Variants in CEP126 observed in about 807,000 individuals in gnomAD.
The protein encoded by CEP126 is centrosomal protein of 126 kDa.
In CEP126, 74 loss-of-function variants were observed where a neutral mutation model predicts 107.8. The ratio of observed to expected loss-of-function variants is 0.69; its 90% confidence interval spans 0.57 to 0.83. The LOEUF (loss-of-function observed/expected upper bound fraction) is 0.83. CEP126 is among the 40% of genes least tolerant of loss of function. The probability of loss-of-function intolerance (pLI) is 0.00; values close to 1 mark genes in which losing one functional copy is unlikely to be tolerated. For missense variants in CEP126, 1,237 were observed against 1,281.9 expected, an observed-to-expected ratio of 0.96 and a Z score of 0.53; for synonymous variants, 449 against 446.0, an observed-to-expected ratio of 1.01 and a Z score of -0.08.
At chr11:101,985,248 G>A (rs1941302847) in intron 8 of CEP126, among the ~76,000 whole-genome samples, 2 of 150,246 alleles carry the variant, frequency 1.3e-5, no homozygotes, top group African/African-American at 2.4e-5. Flanking sequence ...TTACCTTCAG[G>A]TATGTGTATA....
chr11:101,962,400 A>ATG lies in CEP126; in HGVS notation c.1369_1370dup (p.Pro458TyrfsTer7), dbSNP rs1565361429. 1 of 1,613,974 alleles carries ATG rather than the reference A, an allele frequency of 6.2e-7. No homozygotes were observed. The highest frequency in any genetic ancestry group is 1.1e-5 in the South Asian group (1 of 91,070). ...ATGGAACTACTTCAATTCCTACTTC[A>ATG]TGTGTACCAGTGGCAACGCCTTTAG... On this transcript the variant is annotated frameshift_variant, in exon 6 of 11. Coordinates refer to ENST00000263468, the MANE Select transcript of CEP126 (RefSeq NM_020802.4). LOFTEE classifies it high-confidence loss of function.
intron 6 of CEP126, among the ~76,000 whole-genome samples, chr11:101,972,380 C>T (rs537912230): frequency 1.2e-3 from 183 of 151,538 alleles, no homozygotes; most frequent in Non-Finnish European, 2.1e-3. Flanking sequence ...GAGCCGAGAT[C>T]GCGCCACTGC....
chr11:101,963,108 G>A lies in CEP126; in HGVS notation c.2073G>A (p.Glu691=). 1 of 1,614,040 alleles carries A rather than the reference G, an allele frequency of 6.2e-7. No homozygotes were observed. The highest frequency in any genetic ancestry group is 1.1e-5 in the South Asian group (1 of 91,076). The change falls in exon 6 of 11, where the codon GAG becomes GAA. Residue 691 remains glutamate (E), a synonymous_variant. Transcript: ENST00000263468. Reference sequence around the variant, plus strand: ...CTGCTGATACAAAGAAGTCCAGGGAGGATTCTATCTCTGAAAATGTTACGA... The same window carrying A: ...CTGCTGATACAAAGAAGTCCAGGGAAGATTCTATCTCTGAAAATGTTACGA... ...VNSADTKKSR[E]DSISENVTTL... is the part of the protein sequence containing the mutation.
intron 1 of CEP126, among the ~76,000 whole-genome samples, chr11:101,919,437 G>A (rs747756507): frequency 5.3e-5 from 8 of 151,902 alleles, no homozygotes; most frequent in Non-Finnish European, 1.0e-4. Flanking sequence ...ATTATTCTTG[G>A]TTTTGTTTTT....
Position 101,915,362 on chromosome 11 carries a change from C to T in CEP126, c.78C>T (p.Ala26=). The change falls in exon 1 of 11, where the codon GCC becomes GCT. Residue 26 remains alanine, a synonymous_variant. Coordinates refer to ENST00000263468, the MANE Select transcript of CEP126 (RefSeq NM_020802.4). Reference sequence around the variant, plus strand: ...AATCATCGGACAACCTCGACAGAGCCCCCCTCGGCCCTCGGGAGAGCGGCG... The same window carrying T: ...AATCATCGGACAACCTCGACAGAGCTCCCCTCGGCCCTCGGGAGAGCGGCG... The part of the protein sequence containing the change: ...GTESSDNLDR[A]PLGPRESGGH... The T allele has an allele frequency of 6.2e-6, 10 of 1,613,956 alleles. No individual in the cohort carries two copies. The highest frequency in any genetic ancestry group is 8.5e-6 in the Non-Finnish European group (10 of 1,179,952).
chr11:101,941,640 T>G (rs1940666152), intron 2 of CEP126, among the ~76,000 whole-genome samples: 1 of 152,294 alleles, frequency 6.6e-6, no homozygotes, highest in East Asian at 1.9e-4. Context: ...TTTTCACTTC[T>G]TTGGGATATA....
Position 101,963,792 on chromosome 11 carries a change from G to A in CEP126, c.2757G>A (p.Pro919=), listed in dbSNP as rs761348506. 2.5e-5 allele frequency: 40 copies of A among 1,613,956 alleles called. No homozygotes were observed. The highest frequency in any genetic ancestry group is 8.3e-5 in the Admixed American group (5 of 59,992). ...GTCCTGTTTGTGAAGAAAGTTATCCGTCTGTGACTCTAAGAACTGCTGAAG... is the reference window on the plus strand; with the variant it reads ...GTCCTGTTTGTGAAGAAAGTTATCCATCTGTGACTCTAAGAACTGCTGAAG... ...QRSPVCEESY[P]SVTLRTAEEE... The change falls in exon 6 of 11, where the codon CCG becomes CCA. Residue 919 remains proline, a synonymous_variant. Coordinates refer to ENST00000263468, the MANE Select transcript of CEP126 (RefSeq NM_020802.4).
At position 101,963,573 on chromosome 11, in the gene CEP126, A is replaced by G. The variant is rs563879747; in HGVS notation, c.2538A>G (p.Thr846=). The G allele has an allele frequency of 6.2e-7, 1 of 1,614,214 alleles. No individual in the cohort carries two copies. Among genetic ancestry groups the G allele is most frequent in the African/African-American group, 1.3e-5 (1 of 75,058 alleles). ...NSFNSKHVLP[T]EHSLNQWNQE... is the part of the protein sequence containing the mutation. ...TTAATTCAAAACATGTGCTTCCAACAGAACACAGTTTGAATCAGTGGAATC... is the reference window on the plus strand; with the variant it reads ...TTAATTCAAAACATGTGCTTCCAACGGAACACAGTTTGAATCAGTGGAATC... Residue 846 remains threonine, a synonymous_variant, in exon 6 of 11, where the codon ACA becomes ACG. Coordinates refer to ENST00000263468, the MANE Select transcript of CEP126 (RefSeq NM_020802.4).
At chr11:101,984,230 G>A (rs1273916034) in intron 8 of CEP126, among the ~76,000 whole-genome samples, 1 of 152,166 alleles carries the variant, frequency 6.6e-6, no homozygotes, top group African/African-American at 2.4e-5. Flanking sequence ...TAGCATGAAA[G>A]ATGCCATACA....
chr11:101,954,645 C>A (rs10895229), intron 4 of CEP126, among the ~76,000 whole-genome samples: 1 of 150,994 alleles, frequency 6.6e-6, no homozygotes, highest in Non-Finnish European at 1.5e-5. Context: ...TTTATATATA[C>A]ATATATATAT....
intron 3 of CEP126, 63 bp downstream of exon 3, chr11:101,944,473 C>T: frequency 7.0e-7 from 1 of 1,432,558 alleles, no homozygotes; most frequent in Admixed American, 2.6e-5. Flanking sequence ...CTTGAGTAGA[C>T]AATAAAATCG....
intron 6 of CEP126, among the ~76,000 whole-genome samples, chr11:101,974,999 A>G (rs1941176527): frequency 6.6e-6 from 1 of 152,200 alleles, no homozygotes; most frequent in Non-Finnish European, 1.5e-5. Flanking sequence ...ACAGCAGTTA[A>G]GTGAACAAGG....
chr11:101,932,536 T>C (rs1940516283), intron 2 of CEP126, among the ~76,000 whole-genome samples: 1 of 152,162 alleles, frequency 6.6e-6, no homozygotes, highest in Admixed American at 6.5e-5. Flanking sequence ...AAATCTATCA[T>C]TCATCATTGC....
intron 6 of CEP126, among the ~76,000 whole-genome samples, chr11:101,966,646 G>A (rs10895231): frequency 0.37 from 56,413 of 151,968 alleles, 10,738 homozygotes; most frequent in East Asian, 0.51. Flanking sequence ...ATATGGATGA[G>A]CAAACATCCT....
intron 2 of CEP126, among the ~76,000 whole-genome samples, chr11:101,941,193 C>G (rs1159634475): frequency 1.3e-5 from 2 of 152,114 alleles, no homozygotes; most frequent in Non-Finnish European, 2.9e-5. Context: ...TCTTCAAAGA[C>G]TACATTAAGT....
At chr11:101,953,069 G>C (rs533249284) in intron 4 of CEP126, among the ~76,000 whole-genome samples, 1 of 152,120 alleles carries the variant, frequency 6.6e-6, no homozygotes, top group African/African-American at 2.4e-5. Flanking sequence ...TATCACAATG[G>C]GTAGGCATCT....
chr11:101,968,812 A>G (rs1052589771), intron 6 of CEP126, among the ~76,000 whole-genome samples: 2 of 152,122 alleles, frequency 1.3e-5, no homozygotes, highest in East Asian at 3.9e-4. Flanking sequence ...CAGAGAAAGA[A>G]CTTAGTGTTG....
chr11:101,944,994 A>G (rs1255334582), intron 3 of CEP126, among the ~76,000 whole-genome samples: 1 of 152,220 alleles, frequency 6.6e-6, no homozygotes, highest in African/African-American at 2.4e-5. Flanking sequence ...CAGCAAACAT[A>G]TGGTGTACTG....
chr11:101,956,282 AC>A (rs1241101223), intron 4 of CEP126: 1 of 455,512 alleles, frequency 2.2e-6, no homozygotes, highest in Non-Finnish European at 4.4e-6. Context: ...TGTTTCCCCA[AC>A]CCCTTTGGAA....
Sources: allele counts gnomAD v4.1 joint callset (sites outside exome capture counted in the v4.1 genomes callset), GRCh38; gene constraint gnomAD v4.1.1; transcripts MANE v1.5; gene names NCBI Gene and HGNC (gene_info 2026-07-23, HGNC 2026-07-21).